SGCG: variants seen among roughly 807,000 people sequenced by gnomAD.
SGCG encodes the protein gamma-sarcoglycan.
In SGCG, 26 loss-of-function variants were observed where a neutral mutation model predicts 29.3. The observed-to-expected ratio is 0.89, with a 90% CI of 0.65 to 1.23. The LOEUF (loss-of-function observed/expected upper bound fraction) is 1.23, where lower values mean the gene tolerates loss of function less well. Among genes scored for constraint, SGCG ranks in the 50% most tolerant of loss-of-function variants. The pLI is 0.00. For synonymous variants in SGCG, 145 were observed against 129.7 expected, an observed-to-expected ratio of 1.12 and a Z score of -0.80; for missense variants, 353 against 356.0, an observed-to-expected ratio of 0.99 and a Z score of 0.07.
At chr13:23,267,244 C>T (rs868134283) in intron 4 of SGCG, among the ~76,000 whole-genome samples, 1 of 152,308 alleles carries the variant, frequency 6.6e-6, no homozygotes, top group Non-Finnish European at 1.5e-5. Context: ...CTAATTTGTC[C>T]CAACTGCCTA....
chr13:23,197,051 T>C (rs1877540383), intron 1 of SGCG, among the ~76,000 whole-genome samples: 2 of 152,318 alleles, frequency 1.3e-5, no homozygotes, highest in South Asian at 4.1e-4. Flanking sequence ...TTTCATTGCC[T>C]TATTATGATC....
chr13:23,252,283 A>G (rs149606337), intron 4 of SGCG, among the ~76,000 whole-genome samples: 1 of 152,310 alleles, frequency 6.6e-6, no homozygotes, highest in East Asian at 1.9e-4. Context: ...ATTCCAACAA[A>G]TATTTGTTGA....
chr13:23,184,335 A>G (rs1876881674), intron 1 of SGCG, among the ~76,000 whole-genome samples: 1 of 150,864 alleles, frequency 6.6e-6, no homozygotes, highest in Non-Finnish European at 1.5e-5. Context: ...GTTAGAATTT[A>G]GTTATACACA....
At chr13:23,174,662 G>A in the SGCG span, among the ~76,000 whole-genome samples, 37,442 of 152,068 alleles carry the variant, frequency 0.25, 4,674 homozygotes, top group South Asian at 0.39. Context: ...AAGCCGTAAT[G>A]TCAATATGAA....
chr13:23,203,663 C>T (rs370616345), intron 1 of SGCG, 32 bp from the exon 2 acceptor site: 74 of 1,559,870 alleles, frequency 4.7e-5, no homozygotes, highest in Non-Finnish European at 5.5e-5. Flanking sequence ...CTGTCTCTTT[C>T]TCTCTCCTCT....
intron 6 of SGCG, among the ~76,000 whole-genome samples, chr13:23,318,142 C>T (rs906788181): frequency 2.0e-5 from 3 of 152,116 alleles, no homozygotes; most frequent in East Asian, 3.9e-4. Flanking sequence ...ATTGTGGGAC[C>T]TTGTGATCAT....
At chr13:23,160,769 G>A in the SGCG span, among the ~76,000 whole-genome samples, 3 of 152,186 alleles carry the variant, frequency 2.0e-5, no homozygotes, top group Admixed American at 6.5e-5. Context: ...GCCGGTTCCA[G>A]CCTTCCTCCT....
chr13:23,318,849 G>A (rs1176111070), intron 6 of SGCG, among the ~76,000 whole-genome samples: 4 of 152,172 alleles, frequency 2.6e-5, no homozygotes, highest in African/African-American at 7.2e-5. Context: ...TTTTGTTGTC[G>A]TTTAATGACT....
At chr13:23,283,235 T>G in intron 5 of SGCG, among the ~76,000 whole-genome samples, 1 of 152,208 alleles carries the variant, frequency 6.6e-6, no homozygotes, top group Admixed American at 6.5e-5. Context: ...TCTCCTACTA[T>G]TATTGTGTGG....
chr13:23,232,121 A>G (rs1342119247), intron 2 of SGCG, among the ~76,000 whole-genome samples: 1 of 91,680 alleles, frequency 1.1e-5, no homozygotes, highest in Non-Finnish European at 2.5e-5. Flanking sequence ...TCCATAAAGA[A>G]AAAAAAAAAA....
chr13:23,307,874 C>A (rs1190041560), intron 6 of SGCG, among the ~76,000 whole-genome samples: 1 of 152,056 alleles, frequency 6.6e-6, no homozygotes, highest in East Asian at 1.9e-4. Flanking sequence ...ACAGTAGTAT[C>A]TTTGCATAGT....
chr13:23,293,057 C>T (rs934799008), intron 5 of SGCG, among the ~76,000 whole-genome samples: 8 of 152,160 alleles, frequency 5.3e-5, no homozygotes, highest in African/African-American at 1.7e-4. Context: ...GCAAACCAGA[C>T]ATTGTACTCT....
chr13:23,230,676 G>A (rs955543976), intron 2 of SGCG, among the ~76,000 whole-genome samples: 3 of 152,126 alleles, frequency 2.0e-5, no homozygotes, highest in South Asian at 2.1e-4. Context: ...ATCTCAAGGA[G>A]CTTTTGGGCA....
chr13:23,180,412 A>G (rs1209678665), upstream of SGCG, among the ~76,000 whole-genome samples: 2 of 152,148 alleles, frequency 1.3e-5, no homozygotes, highest in Admixed American at 6.5e-5. Context: ...TTTACCTTCT[A>G]TTATGGTGAT....
Position 23,324,779 on chromosome 13 carries a change from T to G in SGCG, c.*238T>G, listed in dbSNP as rs996787534. 8.1e-5 allele frequency: 43 copies of G among 531,390 alleles called. No individual in the cohort carries two copies. The highest frequency in any genetic ancestry group is 1.4e-4 in the Non-Finnish European group (40 of 292,592). The allele number at this position is 531,390 out of a possible 1,614,324, so 32.9% of individuals were successfully genotyped here. On this transcript the variant is annotated 3_prime_UTR_variant, in exon 8 of 8. Coordinates refer to ENST00000218867, the MANE Select transcript of SGCG (RefSeq NM_000231.3). ...ATGGAAAAGCAATGTGTTTTTCCAC[T>G]GGATTAATTTTCACCGGAACAATTG...
chr13:23,309,260 A>T (rs1882471600), intron 6 of SGCG, among the ~76,000 whole-genome samples: 2 of 152,192 alleles, frequency 1.3e-5, no homozygotes, highest in South Asian at 2.1e-4. Context: ...AGAGAGAGAG[A>T]GAGAGAAAGA....
At chr13:23,197,984 G>A (rs918267726) in intron 1 of SGCG, among the ~76,000 whole-genome samples, 1 of 152,140 alleles carries the variant, frequency 6.6e-6, no homozygotes, top group African/African-American at 2.4e-5. Flanking sequence ...AAAAAGCTTT[G>A]TAGATACGTG....
intron 3 of SGCG, among the ~76,000 whole-genome samples, chr13:23,239,379 T>C (rs1879423829): frequency 6.6e-6 from 1 of 152,156 alleles, no homozygotes; most frequent in African/African-American, 2.4e-5. Flanking sequence ...CTAGCAAAAG[T>C]ATCTTTAAAA....
chr13:23,234,740 G>T (rs373582152), intron 3 of SGCG, 28 bp downstream of exon 3: 5 of 1,434,192 alleles, frequency 3.5e-6, no homozygotes, highest in Non-Finnish European at 4.9e-6. Flanking sequence ...CAAATAATTT[G>T]TGCTTTATGA....
Sources: gnomAD v4.1 joint callset for allele counts (sites outside exome capture counted in the v4.1 genomes callset) on GRCh38, gnomAD v4.1.1 for gene constraint, MANE v1.5 for transcripts, NCBI Gene and HGNC (gene_info 2026-07-23, HGNC 2026-07-21) for gene names.